The following ZNF608 variants were observed in gnomAD, a reference collection of about 807,000 sequenced individuals.
The protein encoded by ZNF608 is zinc finger protein 608.
Under a neutral mutation model 109.0 loss-of-function variants are expected in ZNF608, and 12 were observed. That is an observed-to-expected ratio of 0.11 (90% CI 0.07 to 0.18). The LOEUF (loss-of-function observed/expected upper bound fraction) is 0.18, where lower values mean the gene tolerates loss of function less well. ZNF608 is among the 10% of genes least tolerant of loss of function. The pLI is 1.00. For synonymous variants in ZNF608, 732 were observed against 717.4 expected, an observed-to-expected ratio of 1.02 and a Z score of -0.33; for missense variants, 1,707 against 1,879.3, an observed-to-expected ratio of 0.91 and a Z score of 1.70.
chr5:124,661,499 C>T (rs921206892), intron 3 of ZNF608, among the ~76,000 whole-genome samples: 9 of 149,478 alleles, frequency 6.0e-5, no homozygotes, highest in South Asian at 2.1e-4. Flanking sequence ...AAAAAAAAAG[C>T]CCCACAGAGT....
intron 3 of ZNF608, among the ~76,000 whole-genome samples, chr5:124,669,524 T>C (rs1312634302): frequency 6.6e-6 from 1 of 152,178 alleles, no homozygotes; most frequent in Non-Finnish European, 1.5e-5. Context: ...AAGTGAACGC[T>C]ATAGGCTGCA....
intron 3 of ZNF608, among the ~76,000 whole-genome samples, chr5:124,680,349 C>CAA (rs71679269): frequency 1.5e-5 from 2 of 136,028 alleles, no homozygotes; most frequent in Non-Finnish European, 1.6e-5. Context: ...ATTATGGCCA[C>CAA]AAAAAAAAAA....
chr5:124,657,181 G>T (rs765045738), intron 3 of ZNF608, among the ~76,000 whole-genome samples: 7 of 152,138 alleles, frequency 4.6e-5, no homozygotes, highest in Non-Finnish European at 1.0e-4. Context: ...TTGTGAGTAA[G>T]AAGAGGGAGC....
chr5:124,680,084 G>A (rs1423710067), intron 3 of ZNF608, among the ~76,000 whole-genome samples: 1 of 152,020 alleles, frequency 6.6e-6, no homozygotes, highest in East Asian at 1.9e-4. Context: ...ATATGCTGCT[G>A]TTTTAAGTCC....
chr5:124,703,642 C>A (rs1753144199), intron 2 of ZNF608, among the ~76,000 whole-genome samples: 1 of 152,060 alleles, frequency 6.6e-6, no homozygotes, highest in Non-Finnish European at 1.5e-5. Flanking sequence ...TGGTGGCATG[C>A]GAGTAGTCCC....
rs565322220 is a variant in ZNF608, at chr5:124,728,322, AG to A, written c.906+15761del. Among the ~76,000 whole-genome samples the A allele has an allele frequency of 3.4e-4, 52 of 152,294 alleles. 1 individual carries two copies. The East Asian group carries it at 7.9e-3, about 23-fold the overall frequency. ...ATAAATGGAGAAAAAAATAGGCTTT[AG>A]GTGGATAGGAACATATCAGAAAGAT... On this transcript the variant is annotated intron_variant, in intron 2 of 9. Coordinates refer to ENST00000513986, the MANE Select transcript of ZNF608 (RefSeq NM_020747.3).
chr5:124,717,187 C>T (rs895595245), intron 2 of ZNF608, among the ~76,000 whole-genome samples: 1 of 151,844 alleles, frequency 6.6e-6, no homozygotes, highest in African/African-American at 2.4e-5. Flanking sequence ...TTTTGCTGGC[C>T]AGGAGCAATG....
In ZNF608 at chr5:124,638,847, G is replaced by C. The variant is rs150817071; in HGVS notation, c.4532+286C>G. On this transcript the variant is annotated intron_variant, in intron 9 of 9. Transcript: ENST00000513986. Reference sequence around the variant, plus strand: ...ATCTTTAAACATAATAAAACAAAGGGAGTCATGGTGAATTATTTTAGAAAT... The same window carrying C: ...ATCTTTAAACATAATAAAACAAAGGCAGTCATGGTGAATTATTTTAGAAAT... 1.1e-3 allele frequency: 1,232 copies of C among 1,134,620 alleles called. 8 individuals are homozygous for C. In the African/African-American group the frequency reaches 0.018, roughly 16 times the overall value. The allele number at this position is 1,134,620 out of a possible 1,614,324, so 70.3% of individuals were successfully genotyped here. A position where few individuals can be genotyped will look rare whatever the true frequency, so the allele number is the denominator to read the frequency against.
At chr5:124,719,475 A>G (rs917668718) in intron 2 of ZNF608, among the ~76,000 whole-genome samples, 2 of 152,204 alleles carry the variant, frequency 1.3e-5, no homozygotes, top group Admixed American at 1.3e-4. Flanking sequence ...TATATTTACA[A>G]AGTGTTTTCC....
At chr5:124,661,711 T>C (rs1446665836) in intron 3 of ZNF608, among the ~76,000 whole-genome samples, 1 of 152,218 alleles carries the variant, frequency 6.6e-6, no homozygotes, top group East Asian at 1.9e-4. Flanking sequence ...GTGTCACTGC[T>C]TTACTGTCTA....
intron 3 of ZNF608, among the ~76,000 whole-genome samples, chr5:124,671,608 G>A (rs1382238675): frequency 6.6e-6 from 1 of 150,496 alleles, no homozygotes; most frequent in Non-Finnish European, 1.5e-5. Context: ...TTGGGGCTAA[G>A]AAACAGGCAC....
At chr5:124,735,050 T>C (rs1749080749) in intron 2 of ZNF608, 1 of 152,166 alleles carries the variant, frequency 6.6e-6, no homozygotes, top group Non-Finnish European at 1.5e-5. Context: ...CGGGAAAAAA[T>C]GCAAATCCTG....
intron 2 of ZNF608, among the ~76,000 whole-genome samples, chr5:124,712,306 G>T (rs1711660966): frequency 6.6e-6 from 1 of 152,262 alleles, no homozygotes; most frequent in East Asian, 1.9e-4. Flanking sequence ...CAGTGTCATG[G>T]CCTGGGATGG....
chr5:124,651,664 T>G (rs1470147625), intron 3 of ZNF608, among the ~76,000 whole-genome samples: 1 of 152,284 alleles, frequency 6.6e-6, no homozygotes, highest in Non-Finnish European at 1.5e-5. Flanking sequence ...AACATTTGTC[T>G]GCAGTGAAAG....
At position 124,710,009 on chromosome 5, in the gene ZNF608, T is replaced by C. The variant is rs1438024120; in HGVS notation, c.907-8740A>G. On this transcript the variant is annotated intron_variant, in intron 2 of 9. Coordinates refer to ENST00000513986, the MANE Select transcript of ZNF608 (RefSeq NM_020747.3). ...AAGTTCAGTGGTAAATTCTGGATGT[T>C]GCTAAACATGGTTGCGCCTACATTA... The C allele has an allele frequency of 1.9e-5, 5 of 259,550 alleles. No homozygotes were observed. The Admixed American group carries it at 2.6e-4, about 13-fold the overall frequency. The allele number at this position is 259,550 out of a possible 1,614,324, so 16.1% of individuals were successfully genotyped here. A position where few individuals can be genotyped will look rare whatever the true frequency, so the allele number is the denominator to read the frequency against.
intron 1 of ZNF608, among the ~76,000 whole-genome samples, chr5:124,745,721 G>T (rs1749615547): frequency 6.6e-6 from 1 of 151,972 alleles, no homozygotes; most frequent in Non-Finnish European, 1.5e-5. Flanking sequence ...AATTGTCTGG[G>T]CAATCTGTTT....
At chr5:124,702,138 T>C (rs935638238) in intron 2 of ZNF608, among the ~76,000 whole-genome samples, 1 of 152,190 alleles carries the variant, frequency 6.6e-6, no homozygotes, top group African/African-American at 2.4e-5. Flanking sequence ...AGTCTGGCCA[T>C]AATGAAACCA....
chr5:124,673,686 A>G (rs753381531), intron 3 of ZNF608, among the ~76,000 whole-genome samples: 3 of 152,178 alleles, frequency 2.0e-5, no homozygotes, highest in Non-Finnish European at 4.4e-5. Flanking sequence ...CTCAAAATTC[A>G]AAAAAGCCTA....
chr5:124,646,685 A>C lies in ZNF608; in HGVS notation c.3699T>G (p.Phe1233Leu). 1 of 1,609,404 alleles carries C rather than the reference A, an allele frequency of 6.2e-7. No homozygotes were observed. The highest frequency in any genetic ancestry group is 8.5e-7 in the Non-Finnish European group (1 of 1,176,392). Residue 1233 changes from phenylalanine (F) to leucine (L), a missense_variant, in exon 5 of 10, where the codon TTT becomes TTG. By Grantham distance (22) the Phe-to-Leu change is conservative. Around this residue, in one of 7 missense-constraint regions of ZNF608, gnomAD observed 1,073 missense variants for 1,133.5 expected, o/e 0.95. Coordinates refer to ENST00000513986, the MANE Select transcript of ZNF608 (RefSeq NM_020747.3). ...CCACGCTCCACAATCTTACTTGTTT[A>C]AATCTCGAGGTTGGGTCTACACCTG... ...KQTGVDPTSR[F>L]KQDPDSRTWH... is the part of the protein sequence containing the mutation.
Sources: gnomAD v4.1 joint callset for allele counts (sites outside exome capture counted in the v4.1 genomes callset) on GRCh38, gnomAD v4.1.1 for gene constraint, gnomAD v4.1.1 regional missense constraint, MANE v1.5 for transcripts, NCBI Gene and HGNC (gene_info 2026-07-23, HGNC 2026-07-21) for gene names.